The following NCOA2 variants were observed in gnomAD, a reference collection of about 807,000 sequenced individuals.
The protein encoded by NCOA2 is nuclear receptor coactivator 2, also known as class E basic helix-loop-helix protein 75.
A neutral mutation model predicts 145.1 loss-of-function variants in NCOA2; 21 were observed. The observed-to-expected ratio is 0.14, with a 90% CI of 0.10 to 0.21. The LOEUF (loss-of-function observed/expected upper bound fraction) is 0.21. Among genes scored for constraint, NCOA2 ranks in the 10% least tolerant of loss-of-function variants. The pLI, the probability that NCOA2 is intolerant of heterozygous loss-of-function variation, is 1.00. For missense variants in NCOA2, 1,472 were observed against 1,837.6 expected (o/e 0.80, Z 3.64); for synonymous variants, 619 against 637.5 (o/e 0.97, Z 0.44).
intron 1 of NCOA2, among the ~76,000 whole-genome samples, chr8:70,342,451 T>C (rs1214338209): frequency 1.3e-5 from 2 of 152,140 alleles, no homozygotes; most frequent in Non-Finnish European, 2.9e-5. Flanking sequence ...TTGCCTTTTG[T>C]TCCCTCTAAT....
At chr8:70,282,619 C>T (rs1430466270) in intron 2 of NCOA2, among the ~76,000 whole-genome samples, 2 of 149,150 alleles carry the variant, frequency 1.3e-5, no homozygotes, top group Non-Finnish European at 3.0e-5. Context: ...ACCCGGAAGG[C>T]GGAGGTTGCA....
At chr8:70,307,220 C>CAAAAAAAAAAAAAAAAAAAA (rs57161747) in intron 1 of NCOA2, among the ~76,000 whole-genome samples, 174 of 71,076 alleles carry the variant, frequency 2.4e-3, no homozygotes, top group Middle Eastern at 0.011. Context: ...CCTACATAAG[C>CAAAAAAAAAAAAAAAAAAAA]AAAAAAAAAA....
At chr8:70,357,699 C>T (rs935903272) in intron 1 of NCOA2, among the ~76,000 whole-genome samples, 14 of 151,466 alleles carry the variant, frequency 9.2e-5, no homozygotes, top group African/African-American at 3.4e-4. Context: ...CTAGATCGTG[C>T]GCCACTGCAC....
Position 70,111,970 on chromosome 8 carries a change from T to C in NCOA2, c.*1662A>G, listed in dbSNP as rs1335296348. 4 of 221,842 alleles carry C rather than the reference T, an allele frequency of 1.8e-5. No individual in the cohort carries two copies. The highest frequency in any genetic ancestry group is 1.2e-4 in the Admixed American group (2 of 17,378). 13.7% of individuals were successfully genotyped at this position (221,842 alleles called of 1,614,324 possible). On this transcript the variant is annotated 3_prime_UTR_variant, in exon 23 of 23. Coordinates refer to ENST00000452400, the MANE Select transcript of NCOA2 (RefSeq NM_006540.4). ...AAAAAAGGTCATCAGTTTCTTGGTA[T>C]TGGAGTTGTCTGAAACTGACACCTA...
At chr8:70,450,728 C>G in the NCOA2 span, among the ~76,000 whole-genome samples, 40 of 150,862 alleles carry the variant, frequency 2.7e-4, no homozygotes, top group African/African-American at 9.7e-4. Context: ...TACAGGGGTG[C>G]GCTACCACTC....
chr8:70,399,974 A>G (rs1184404834), intron 1 of NCOA2, among the ~76,000 whole-genome samples: 2 of 152,250 alleles, frequency 1.3e-5, no homozygotes, highest in Non-Finnish European at 2.9e-5. Flanking sequence ...GACTGCTCAC[A>G]GATCCTTGAT....
intron 4 of NCOA2, among the ~76,000 whole-genome samples, chr8:70,192,897 T>C (rs1287371643): frequency 6.6e-6 from 1 of 151,760 alleles, no homozygotes; most frequent in Non-Finnish European, 1.5e-5. Flanking sequence ...TGAAAACTCA[T>C]CACTACTAAA....
intron 1 of NCOA2, among the ~76,000 whole-genome samples, chr8:70,374,471 CAAAAAAA>C (rs755097636): frequency 4.1e-5 from 4 of 96,746 alleles, no homozygotes; most frequent in South Asian, 6.6e-4. Flanking sequence ...GACTCTGTCT[CAAAAAAA>C]AAAAAAAAGA....
At chr8:70,162,609 G>T (rs143298851) in intron 9 of NCOA2, 102 bp downstream of exon 9, 3 of 1,260,058 alleles carry the variant, frequency 2.4e-6, no homozygotes, top group Non-Finnish European at 2.2e-6. Flanking sequence ...CAGCTCACGA[G>T]AACAGTCACC....
chr8:70,336,653 A>G (rs920277040), intron 1 of NCOA2, among the ~76,000 whole-genome samples: 2 of 152,060 alleles, frequency 1.3e-5, no homozygotes, highest in African/African-American at 2.4e-5. Context: ...AAATGCCACA[A>G]AACAACCAGA....
intron 1 of NCOA2, among the ~76,000 whole-genome samples, chr8:70,359,481 A>T (rs935806955): frequency 1.3e-5 from 2 of 152,204 alleles, no homozygotes; most frequent in Admixed American, 1.3e-4. Context: ...ATAGAATATG[A>T]TACTATTTAT....
chr8:70,243,716 T>C (rs971650479), intron 2 of NCOA2, among the ~76,000 whole-genome samples: 8 of 148,838 alleles, frequency 5.4e-5, no homozygotes, highest in African/African-American at 1.0e-4. Flanking sequence ...ACCCTGAAAA[T>C]GGTATGTAAC....
chr8:70,195,518 T>G (rs1046625141), intron 4 of NCOA2, among the ~76,000 whole-genome samples: 1 of 152,206 alleles, frequency 6.6e-6, no homozygotes, highest in Non-Finnish European at 1.5e-5. Flanking sequence ...GCTTAAGCTT[T>G]GTCAGCCTAG....
chr8:70,173,001 T>A (rs1814425299), intron 5 of NCOA2, among the ~76,000 whole-genome samples: 1 of 152,192 alleles, frequency 6.6e-6, no homozygotes, highest in Non-Finnish European at 1.5e-5. Flanking sequence ...TCTCTCTGTT[T>A]AAGTGATTAC....
chr8:70,307,130 A>G (rs1827954258), intron 1 of NCOA2, among the ~76,000 whole-genome samples: 1 of 151,474 alleles, frequency 6.6e-6, no homozygotes, highest in African/African-American at 2.4e-5. Context: ...AGCCTTACAC[A>G]GCAGTCACAA....
chr8:70,328,553 TAGA>T (rs1450482943), intron 1 of NCOA2, among the ~76,000 whole-genome samples: 1 of 152,190 alleles, frequency 6.6e-6, no homozygotes, highest in African/African-American at 2.4e-5. Context: ...GTCCTTGTTA[TAGA>T]AGAACTCTAT....
chr8:70,372,761 T>TCA (rs1341176210), intron 1 of NCOA2, among the ~76,000 whole-genome samples: 10 of 152,190 alleles, frequency 6.6e-5, no homozygotes, highest in Non-Finnish European at 1.2e-4. Flanking sequence ...AGTGCCCTCA[T>TCA]CACCCTTTAC....
the NCOA2 span, among the ~76,000 whole-genome samples, chr8:70,414,832 T>C: frequency 3.3e-5 from 5 of 152,188 alleles, no homozygotes; most frequent in African/African-American, 1.2e-4. Flanking sequence ...TAAAAAAGCC[T>C]TTTGACACAA....
chr8:70,425,314 T>C, the NCOA2 span, among the ~76,000 whole-genome samples: 1 of 152,168 alleles, frequency 6.6e-6, no homozygotes, highest in South Asian at 2.1e-4. Flanking sequence ...CAATAGTTTT[T>C]GGGGTACAGG....
Sources: allele counts gnomAD v4.1 joint callset (sites outside exome capture counted in the v4.1 genomes callset), GRCh38; gene constraint gnomAD v4.1.1; transcripts MANE v1.5; gene names NCBI Gene and HGNC (gene_info 2026-07-23, HGNC 2026-07-21).